NPEPL1: variants seen among roughly 807,000 people sequenced by gnomAD.
NPEPL1 encodes aminopeptidase like 1.
In NPEPL1, 45 loss-of-function variants were observed where a neutral mutation model predicts 52.4. The ratio of observed to expected loss-of-function variants is 0.86; its 90% confidence interval spans 0.68 to 1.10. The LOEUF is 1.10. Among genes scored for constraint, NPEPL1 ranks in the 50% least tolerant of loss-of-function variants. The probability of loss-of-function intolerance (pLI) is 0.00; values close to 1 mark genes in which losing one functional copy is unlikely to be tolerated. For synonymous variants in NPEPL1, 360 were observed against 314.7 expected (o/e 1.14, Z -1.52); for missense variants, 696 against 710.9 (o/e 0.98, Z 0.24).
rs766793817 is a variant in NPEPL1 at position 58,714,013 on chromosome 20, G to A, written c.1222G>A (p.Val408Met). The A allele has an allele frequency of 3.9e-6, 6 of 1,527,614 alleles. No individual in the cohort carries two copies. In the South Asian group the frequency reaches 6.2e-5, roughly 16 times the overall value. The allele number at this position is 1,527,614 out of a possible 1,614,324, so 94.6% of individuals were successfully genotyped here. ...GGCGGGCAGGAAGTGTGGGGACCTG[G>A]TGCACCCGCTGGTCTACTGCCCCGA... ...VKAGRKCGDL[V>M]HPLVYCPELH... Residue 408 changes from valine to methionine, a missense_variant, in exon 10 of 12, where the codon GTG (valine) becomes ATG (methionine). By Grantham distance (21) the Val-to-Met change is conservative (BLOSUM62 1). Transcript: ENST00000356091.
At chr20:58,692,150 C>A (rs2084361857), upstream of NPEPL1, 2 of 390,602 alleles carry the variant, frequency 5.1e-6, no homozygotes, top group Admixed American at 4.2e-5. The surrounding 1 kb of genome is among the most constrained non-coding windows in gnomAD (Gnocchi z 5.7). Context: ...CCAGGCAGTG[C>A]CTGGATTTGT....
At chr20:58,692,096 T>A (rs923003517), upstream of NPEPL1, 9 of 482,610 alleles carry the variant, frequency 1.9e-5, no homozygotes, top group African/African-American at 1.8e-4. The surrounding 1 kb of genome is among the most constrained non-coding windows in gnomAD (Gnocchi z 5.7). Flanking sequence ...CTGTGCCAGA[T>A]GACCCTTCTT....
At chr20:58,692,772 G>T, upstream of NPEPL1, 1 of 964,036 alleles carries the variant, frequency 1.0e-6, no homozygotes, top group Non-Finnish European at 1.2e-6. This position sits in a 1 kb window ranked among gnomAD's most constrained non-coding sequence, Gnocchi z 5.7. Flanking sequence ...GGAGCGGCGG[G>T]GGAGGCGGGG....
upstream of NPEPL1, chr20:58,692,052 C>A (rs76337426): frequency 3.9e-4 from 224 of 579,122 alleles, no homozygotes; most frequent in African/African-American, 3.9e-3. This position sits in a 1 kb window ranked among gnomAD's most constrained non-coding sequence, Gnocchi z 5.7. Flanking sequence ...CTGCTCCTTC[C>A]TCGTCTCATC....
At chr20:58,697,293 C>T (rs551754860) in intron 3 of NPEPL1, among the ~76,000 whole-genome samples, 7 of 152,222 alleles carry the variant, frequency 4.6e-5, no homozygotes, top group Admixed American at 1.3e-4. Flanking sequence ...GTCAGAGCCC[C>T]GAGCTCGCCG....
At chr20:58,694,172 C>A (rs183314476) in intron 2 of NPEPL1, among the ~76,000 whole-genome samples, 1 of 152,320 alleles carries the variant, frequency 6.6e-6, no homozygotes, top group Admixed American at 6.5e-5. Context: ...TCCCTCTGTC[C>A]CTCATTTTCA....
intron 6 of NPEPL1, among the ~76,000 whole-genome samples, chr20:58,701,980 T>TACAC (rs2084635267): frequency 6.6e-6 from 1 of 152,170 alleles, no homozygotes; most frequent in African/African-American, 2.4e-5. Flanking sequence ...CCATTCATCC[T>TACAC]ACACACCGTG....
At chr20:58,705,415 A>C (rs73124379) in intron 6 of NPEPL1, 47,658 of 454,862 alleles carry the variant, frequency 0.1, 2,790 homozygotes, top group Middle Eastern at 0.14. Context: ...TATTGTACCC[A>C]AGGGTTGAGA....
Position 58,713,278 on chromosome 20 carries a change from C to T in NPEPL1, c.1002-142C>T. The T allele has an allele frequency of 8.9e-7, 1 of 1,119,460 alleles. No individual in the cohort carries two copies. Among genetic ancestry groups the T allele is most frequent in the Non-Finnish European group, 1.2e-6 (1 of 800,764 alleles). 69.3% of individuals were successfully genotyped at this position (1,119,460 alleles called of 1,614,324 possible). A position where few individuals can be genotyped will look rare whatever the true frequency, so the allele number is the denominator to read the frequency against. On this transcript the variant is annotated intron_variant, in intron 8 of 11. Coordinates refer to ENST00000356091, the MANE Select transcript of NPEPL1 (RefSeq NM_024663.4). This position sits in a 1 kb window ranked among gnomAD's most constrained non-coding sequence, Gnocchi z 4.6. ...GCTGTAGGGACTGGGGGCATCCCGG[C>T]CTTCCCATTCAGGGAACGTGTTGGG...
Position 58,700,122 on chromosome 20 carries a change from C to T in NPEPL1, c.679+844C>T, listed in dbSNP as rs1466744509. Among the ~76,000 whole-genome samples, 5 of 152,314 alleles carry T rather than the reference C, an allele frequency of 3.3e-5. No homozygotes were observed. In the East Asian group the frequency reaches 7.7e-4, roughly 24 times the overall value. On this transcript the variant is annotated intron_variant, in intron 5 of 11. Coordinates refer to ENST00000356091, the MANE Select transcript of NPEPL1 (RefSeq NM_024663.4). ...GGTCCTTGCTGTTTGAGCCACCCTCCGAGCAAGGTCTCTGAGCGAGAGATA... is the reference window on the plus strand; with the variant it reads ...GGTCCTTGCTGTTTGAGCCACCCTCTGAGCAAGGTCTCTGAGCGAGAGATA...
chr20:58,699,837 G>T (rs1471116877), intron 5 of NPEPL1, among the ~76,000 whole-genome samples: 1 of 152,248 alleles, frequency 6.6e-6, no homozygotes, highest in Non-Finnish European at 1.5e-5. Context: ...CAAGAGGAAG[G>T]CGGCTGTCTG....
At chr20:58,703,471 A>G in intron 6 of NPEPL1, 1 of 976,736 alleles carries the variant, frequency 1.0e-6, no homozygotes. Flanking sequence ...CCACCCTCGC[A>G]CGCACCCTCA....
upstream of NPEPL1, chr20:58,691,963 C>A: frequency 1.5e-6 from 1 of 678,200 alleles, no homozygotes. Context: ...ACCCCTGGCT[C>A]CTCCACCACC....
At chr20:58,701,896 G>A (rs560381033) in intron 6 of NPEPL1, among the ~76,000 whole-genome samples, 1 of 152,274 alleles carries the variant, frequency 6.6e-6, no homozygotes, top group South Asian at 2.1e-4. Flanking sequence ...AGGAGGACAG[G>A]TGCTTGTGGA....
intron 6 of NPEPL1, 40 bp downstream of exon 6, chr20:58,701,198 G>A: frequency 7.0e-7 from 1 of 1,424,000 alleles, no homozygotes; most frequent in African/African-American, 1.5e-5. Flanking sequence ...CTGGGGGAGG[G>A]GAGGGGAAGG....
At chr20:58,712,252 C>T (rs1448618912) in intron 7 of NPEPL1, among the ~76,000 whole-genome samples, 5 of 152,142 alleles carry the variant, frequency 3.3e-5, no homozygotes, top group African/African-American at 4.8e-5. Context: ...TCCACTGCGG[C>T]GGGTGGCCTC....
At position 58,713,278 on chromosome 20, in the gene NPEPL1, CCTTCCCATTCAGGGAACG is replaced by C; in HGVS notation, c.1002-141_1002-124del. 8.9e-7 allele frequency: 1 copy of C among 1,119,460 alleles called. No homozygotes were observed. Among genetic ancestry groups the C allele is most frequent in the Non-Finnish European group, 1.2e-6 (1 of 800,764 alleles). 69.3% of individuals were successfully genotyped at this position (1,119,460 alleles called of 1,614,324 possible). ...GCTGTAGGGACTGGGGGCATCCCGG[CCTTCCCATTCAGGGAACG>C]TGTTGGGGTTCGGGGAGCCACAGGG... is the stretch of plus-strand genomic sequence containing the variant. On this transcript the variant is annotated intron_variant, in intron 8 of 11. Coordinates refer to ENST00000356091, the MANE Select transcript of NPEPL1 (RefSeq NM_024663.4). The surrounding 1 kb of genome is among the most constrained non-coding windows in gnomAD (Gnocchi z 4.6).
chr20:58,714,213 C>A, intron 10 of NPEPL1, 120 bp downstream of exon 10: 2 of 1,129,588 alleles, frequency 1.8e-6, no homozygotes, highest in Non-Finnish European at 2.4e-6. Flanking sequence ...AGCCACAGTG[C>A]AGACGAGGGC....
chr20:58,712,781 G>T (rs1295957403), intron 8 of NPEPL1: 1 of 676,908 alleles, frequency 1.5e-6, no homozygotes, highest in Non-Finnish European at 2.7e-6. Context: ...GCACCTGGAT[G>T]AGGTGCTAGG....
Sources: gnomAD v4.1 joint callset for allele counts (sites outside exome capture counted in the v4.1 genomes callset) on GRCh38, gnomAD v4.1.1 for gene constraint, Gnocchi (gnomAD v3.1) non-coding constraint, MANE v1.5 for transcripts, NCBI Gene and HGNC (gene_info 2026-07-23, HGNC 2026-07-21) for gene names.